DTNA: variants seen among roughly 807,000 people sequenced by gnomAD.
The protein encoded by DTNA is dystrobrevin alpha.
Under a neutral mutation model 100.7 loss-of-function variants are expected in DTNA, and 43 were observed. The ratio of observed to expected loss-of-function variants is 0.43; its 90% CI spans 0.33 to 0.55. The LOEUF is 0.55. Ranked by LOEUF, DTNA falls within the 20% of genes least tolerant of loss-of-function variation. DTNA has a pLI of 0.04. For missense variants in DTNA, 798 were observed against 953.9 expected (o/e 0.84, Z 2.15); for synonymous variants, 349 against 347.9 (o/e 1.00, Z -0.04).
At position 34,888,371 on chromosome 18, in the gene DTNA, G is replaced by A. The variant is rs1206533638; in HGVS notation, c.*637G>A. 1.0e-6 allele frequency: 1 copy of A among 985,754 alleles called. No homozygotes were observed. Among genetic ancestry groups the A allele is most frequent in the Non-Finnish European group, 1.2e-6 (1 of 829,920 alleles). 61.1% of individuals were successfully genotyped at this position (985,754 alleles called of 1,614,324 possible). A position where few individuals can be genotyped will look rare whatever the true frequency, so the allele number is the denominator to read the frequency against. On this transcript the variant is annotated 3_prime_UTR_variant, in exon 23 of 23. Coordinates refer to ENST00000444659, the MANE Select transcript of DTNA (RefSeq NM_001386795.1). ...AACTCAGAGCCCGGAAGCCAAGAAG[G>A]GTCCTTGGCCTGCACGGTCTGTAGT... is the stretch of plus-strand genomic sequence containing the variant.
chr18:34,634,229 T>A (rs2148186678), intron 1 of DTNA, among the ~76,000 whole-genome samples: 1 of 152,346 alleles, frequency 6.6e-6, no homozygotes, highest in Admixed American at 6.5e-5. Flanking sequence ...CGTTAGCTAT[T>A]CTCAAACTTT....
intron 1 of DTNA, among the ~76,000 whole-genome samples, chr18:34,656,865 C>T (rs916683886): frequency 2.0e-5 from 3 of 151,884 alleles, no homozygotes; most frequent in African/African-American, 7.3e-5. Flanking sequence ...TTTATATTTG[C>T]ATAGCCTTTT....
At chr18:34,615,282 C>T (rs1284317924) in intron 1 of DTNA, among the ~76,000 whole-genome samples, 1 of 152,174 alleles carries the variant, frequency 6.6e-6, no homozygotes, top group East Asian at 1.9e-4. Context: ...ATTGCAAGGA[C>T]AGCACCAAGC....
At chr18:34,736,200 G>A (rs1036979444) in intron 1 of DTNA, among the ~76,000 whole-genome samples, 1 of 152,130 alleles carries the variant, frequency 6.6e-6, no homozygotes, top group Non-Finnish European at 1.5e-5. Flanking sequence ...ATAAAGGAGA[G>A]CAATACCACA....
chr18:34,658,254 C>T (rs1012592178), intron 1 of DTNA, among the ~76,000 whole-genome samples: 3 of 152,132 alleles, frequency 2.0e-5, no homozygotes, highest in African/African-American at 7.2e-5. Flanking sequence ...AGACTCAAAG[C>T]ACAAAAACAG....
At chr18:34,876,809 CA>C (rs1477164513) in intron 18 of DTNA, among the ~76,000 whole-genome samples, 1 of 152,108 alleles carries the variant, frequency 6.6e-6, no homozygotes, top group African/African-American at 2.4e-5. Flanking sequence ...AAATGTAATT[CA>C]CAAAATAACT....
intron 1 of DTNA, among the ~76,000 whole-genome samples, chr18:34,496,061 T>C (rs2039158561): frequency 1.3e-5 from 2 of 152,296 alleles, no homozygotes; most frequent in Middle Eastern, 3.4e-3. Context: ...TTTAATTAAA[T>C]TCAATATGTA....
At chr18:34,576,525 G>T (rs980483079) in intron 1 of DTNA, among the ~76,000 whole-genome samples, 2 of 152,206 alleles carry the variant, frequency 1.3e-5, no homozygotes, top group African/African-American at 2.4e-5. Flanking sequence ...GAGTGCAGTG[G>T]TGTGATCACT....
intron 1 of DTNA, among the ~76,000 whole-genome samples, chr18:34,735,958 A>G (rs779209593): frequency 1.6e-4 from 24 of 151,696 alleles, no homozygotes; most frequent in Non-Finnish European, 2.8e-4. Context: ...CACCCAACTC[A>G]CCCCCAGAGA....
intron 1 of DTNA, among the ~76,000 whole-genome samples, chr18:34,621,724 G>A (rs2056540599): frequency 6.6e-6 from 1 of 152,058 alleles, no homozygotes; most frequent in Non-Finnish European, 1.5e-5. Context: ...TAGAAAGGAG[G>A]AATAAGTTCA....
intron 1 of DTNA, among the ~76,000 whole-genome samples, chr18:34,526,063 A>C (rs1247252270): frequency 6.6e-6 from 1 of 152,190 alleles, no homozygotes; most frequent in Admixed American, 6.6e-5. Flanking sequence ...AATATTTGAC[A>C]GTAGAAAGGA....
rs752144270 is a variant in DTNA, at chr18:34,812,046, C to T, written c.536C>T (p.Thr179Met). The T allele has an allele frequency of 1.7e-5, 28 of 1,613,926 alleles. No homozygotes were observed. The highest frequency in any genetic ancestry group is 2.2e-5 in the East Asian group (1 of 44,886). ...CTTCGGGAAGTTCTCAAACTACCCA[C>T]GGCAGTTTTTGAAGGTCCTTCATTT... ...QFLREVLKLPTAVFEGPSFGY... is the reference protein window; with the variant it reads ...QFLREVLKLPMAVFEGPSFGY... Residue 179 changes from threonine to methionine, a missense_variant, in exon 6 of 23, where the codon ACG becomes ATG. This residue lies in a region of DTNA where 81 missense variants were observed against 153.5 expected (regional missense o/e 0.53). Coordinates refer to ENST00000444659, the MANE Select transcript of DTNA (RefSeq NM_001386795.1).
At chr18:34,722,438 C>T (rs2085542524) in intron 1 of DTNA, among the ~76,000 whole-genome samples, 1 of 151,800 alleles carries the variant, frequency 6.6e-6, no homozygotes, top group African/African-American at 2.4e-5. Context: ...ATTCATACTA[C>T]AAAATGAATT....
chr18:34,750,157 T>G (rs1302594721), intron 1 of DTNA, among the ~76,000 whole-genome samples: 1 of 152,222 alleles, frequency 6.6e-6, no homozygotes, highest in African/African-American at 2.4e-5. Context: ...AAGTGTTTGC[T>G]AAAGTGGAGC....
intron 1 of DTNA, among the ~76,000 whole-genome samples, chr18:34,736,849 C>A (rs2089699455): frequency 6.6e-6 from 1 of 152,168 alleles, no homozygotes; most frequent in African/African-American, 2.4e-5. Flanking sequence ...TAAAAATAGT[C>A]TGTCTTGTTC....
At chr18:34,749,026 G>A (rs888081165) in intron 1 of DTNA, among the ~76,000 whole-genome samples, 3 of 151,914 alleles carry the variant, frequency 2.0e-5, no homozygotes, top group African/African-American at 7.3e-5. Flanking sequence ...TATTTCTTTG[G>A]TTTAGTATAT....
chr18:34,854,978 T>C (rs563817064), intron 15 of DTNA, among the ~76,000 whole-genome samples: 3 of 152,340 alleles, frequency 2.0e-5, no homozygotes, highest in African/African-American at 4.8e-5. Flanking sequence ...TGTGAGGTGT[T>C]ATTTCTACTC....
At chr18:34,676,264 T>C (rs147988608) in intron 1 of DTNA, among the ~76,000 whole-genome samples, 323 of 152,290 alleles carry the variant, frequency 2.1e-3, no homozygotes, top group African/African-American at 7.6e-3. Context: ...GGGGGTCCTC[T>C]TATTAAGCAA....
intron 17 of DTNA, among the ~76,000 whole-genome samples, chr18:34,874,018 A>G (rs2096791095): frequency 1.3e-5 from 2 of 152,114 alleles, no homozygotes; most frequent in Non-Finnish European, 2.9e-5. Context: ...GTTTTGCTTC[A>G]TTTTTAATTC....
Sources: gnomAD v4.1 joint callset for allele counts (sites outside exome capture counted in the v4.1 genomes callset) on GRCh38, gnomAD v4.1.1 for gene constraint, gnomAD v4.1.1 regional missense constraint, MANE v1.5 for transcripts, NCBI Gene and HGNC (gene_info 2026-07-23, HGNC 2026-07-21) for gene names.